The following PTBP3 variants were observed in gnomAD, a reference collection of about 807,000 sequenced individuals.
PTBP3 encodes the protein polypyrimidine tract binding protein 3.
A neutral mutation model predicts 58.7 loss-of-function variants in PTBP3; 20 were observed. That is an observed-to-expected ratio of 0.34 (90% confidence interval 0.24 to 0.50). The LOEUF (loss-of-function observed/expected upper bound fraction) is 0.50, where lower values mean the gene tolerates loss of function less well. Among genes scored for constraint, PTBP3 ranks in the 20% least tolerant of loss-of-function variants. The probability of loss-of-function intolerance (pLI) is 0.98; values close to 1 mark genes in which losing one functional copy is unlikely to be tolerated. For missense variants in PTBP3, 509 were observed against 637.2 expected, an observed-to-expected ratio of 0.80 and a Z score of 2.17; for synonymous variants, 185 against 219.8, an observed-to-expected ratio of 0.84 and a Z score of 1.40.
rs1834816390 is a variant in PTBP3 at position 112,221,768 on chromosome 9, C to T, written c.*2083G>A. On this transcript the variant is annotated 3_prime_UTR_variant, in exon 14 of 14. Coordinates refer to ENST00000374257, the MANE Select transcript of PTBP3 (RefSeq NM_001163788.4). ...TCTATTCTACCAACTAAGTGTTGCTCAGTGGTGAGTGAATTCTGCTTTTTA... is the reference window on the plus strand; with the variant it reads ...TCTATTCTACCAACTAAGTGTTGCTTAGTGGTGAGTGAATTCTGCTTTTTA... 1 of 985,174 alleles carries T rather than the reference C, an allele frequency of 1.0e-6. No homozygotes were observed. The allele number at this position is 985,174 out of a possible 1,614,324, so 61.0% of individuals were successfully genotyped here.
At chr9:112,285,858 C>T (rs1354699941) in intron 2 of PTBP3, among the ~76,000 whole-genome samples, 2 of 152,176 alleles carry the variant, frequency 1.3e-5, no homozygotes, top group African/African-American at 4.8e-5. Context: ...TGTTCTATAC[C>T]TTTACTGATT....
chr9:112,351,531 T>C, the PTBP3 span, among the ~76,000 whole-genome samples: 1 of 152,178 alleles, frequency 6.6e-6, no homozygotes, highest in African/African-American at 2.4e-5. Flanking sequence ...AAAGAAGTCA[T>C]TATGCACAGC....
chr9:112,309,384 T>C (rs1829375352), intron 1 of PTBP3, among the ~76,000 whole-genome samples: 1 of 152,220 alleles, frequency 6.6e-6, no homozygotes, highest in African/African-American at 2.4e-5. Flanking sequence ...CTATACCATA[T>C]GCATGTATTG....
chr9:112,317,018 G>A (rs1404534734), intron 1 of PTBP3, among the ~76,000 whole-genome samples: 3 of 150,950 alleles, frequency 2.0e-5, no homozygotes, highest in Admixed American at 2.0e-4. Context: ...AGTGGCTCAC[G>A]CCTGTAATCC....
At chr9:112,287,169 T>C (rs1390234953) in intron 2 of PTBP3, among the ~76,000 whole-genome samples, 1 of 119,986 alleles carries the variant, frequency 8.3e-6, no homozygotes, top group Non-Finnish European at 1.7e-5. Flanking sequence ...TCTTGATAAG[T>C]GGGTTTATGT....
the PTBP3 span, among the ~76,000 whole-genome samples, chr9:112,352,031 TC>T: frequency 6.6e-6 from 1 of 151,916 alleles, no homozygotes; most frequent in African/African-American, 2.4e-5. Flanking sequence ...GATCCTCTTG[TC>T]TCAGCCTCCT....
chr9:112,238,930 T>A (rs531425818), intron 7 of PTBP3, among the ~76,000 whole-genome samples: 1 of 152,294 alleles, frequency 6.6e-6, no homozygotes, highest in South Asian at 2.1e-4. Flanking sequence ...AGGCAGAATA[T>A]AAGTGTTTTC....
At chr9:112,367,946 A>C in the PTBP3 span, among the ~76,000 whole-genome samples, 1 of 151,702 alleles carries the variant, frequency 6.6e-6, no homozygotes, top group East Asian at 1.9e-4. Context: ...TTGTTTGATG[A>C]TATCCCATGA....
chr9:112,263,291 G>A (rs1388802578), intron 4 of PTBP3, among the ~76,000 whole-genome samples: 3 of 152,086 alleles, frequency 2.0e-5, no homozygotes, highest in Non-Finnish European at 4.4e-5. Context: ...ATCAACAGCT[G>A]ATAAGGAACA....
intron 4 of PTBP3, among the ~76,000 whole-genome samples, chr9:112,266,312 C>G (rs1004170573): frequency 2.0e-5 from 3 of 152,046 alleles, no homozygotes; most frequent in Admixed American, 6.5e-5. Flanking sequence ...ATGGCACTAA[C>G]AGAAATCAGT....
intron 1 of PTBP3, among the ~76,000 whole-genome samples, chr9:112,318,495 C>G (rs1829795331): frequency 6.6e-6 from 1 of 152,188 alleles, no homozygotes; most frequent in Non-Finnish European, 1.5e-5. Flanking sequence ...TGCAGTGGCT[C>G]ACACCTATAA....
At chr9:112,356,225 C>T in the PTBP3 span, among the ~76,000 whole-genome samples, 5 of 152,066 alleles carry the variant, frequency 3.3e-5, no homozygotes, top group African/African-American at 7.2e-5. Flanking sequence ...GTGATCCACC[C>T]GCCTCGGCGT....
chr9:112,284,654 C>T (rs537055960), intron 2 of PTBP3, among the ~76,000 whole-genome samples: 2 of 152,170 alleles, frequency 1.3e-5, no homozygotes, highest in East Asian at 1.9e-4. Context: ...CAAGATCGTG[C>T]CACTGCATTC....
chr9:112,317,527 T>C, intron 1 of PTBP3, among the ~76,000 whole-genome samples: 1 of 152,200 alleles, frequency 6.6e-6, no homozygotes, highest in East Asian at 1.9e-4. Context: ...AACCGAAAGC[T>C]GCTTTTCAAA....
chr9:112,327,040 A>C (rs1830185422), intron 1 of PTBP3, among the ~76,000 whole-genome samples: 1 of 151,852 alleles, frequency 6.6e-6, no homozygotes, highest in South Asian at 2.1e-4. Context: ...CAACATGGTG[A>C]GGCCTTCGTC....
rs192572025 is a variant in PTBP3, at chr9:112,221,044, A to G, written c.*2807T>C. 2.0e-5 allele frequency: 20 copies of G among 979,450 alleles called. No homozygotes were observed. The African/African-American group carries it at 2.8e-4, about 14-fold the overall frequency. 60.7% of individuals were successfully genotyped at this position (979,450 alleles called of 1,614,324 possible). On this transcript the variant is annotated 3_prime_UTR_variant, in exon 14 of 14. Transcript: ENST00000374257. Reference sequence around the variant, plus strand: ...AACTATGCCAACACAAATACTGTAGACCTCTATAATTCAAACAGCAAATAG... The same window carrying G: ...AACTATGCCAACACAAATACTGTAGGCCTCTATAATTCAAACAGCAAATAG...
At chr9:112,255,478 A>G (rs779779410) in intron 5 of PTBP3, among the ~76,000 whole-genome samples, 4 of 152,204 alleles carry the variant, frequency 2.6e-5, no homozygotes, top group Non-Finnish European at 5.9e-5. Flanking sequence ...GAGTAACGTT[A>G]GACTTTAAAA....
chr9:112,310,211 A>G (rs760215845), intron 1 of PTBP3, among the ~76,000 whole-genome samples: 16 of 152,220 alleles, frequency 1.1e-4, no homozygotes, highest in Non-Finnish European at 2.2e-4. Flanking sequence ...AATTTTTTCA[A>G]TGAGCAGCTG....
intron 2 of PTBP3, among the ~76,000 whole-genome samples, chr9:112,297,165 T>C (rs927124135): frequency 1.3e-5 from 2 of 152,182 alleles, no homozygotes; most frequent in Non-Finnish European, 2.9e-5. Context: ...ACGTATCGTC[T>C]TATACTTTAA....
Sources: allele counts gnomAD v4.1 joint callset (sites outside exome capture counted in the v4.1 genomes callset), GRCh38; gene constraint gnomAD v4.1.1; transcripts MANE v1.5; gene names NCBI Gene and HGNC (gene_info 2026-07-23, HGNC 2026-07-21).